Variants in ZNF696 observed in about 807,000 individuals in gnomAD.
The protein encoded by ZNF696 is zinc finger protein 696.
In ZNF696, 10 loss-of-function variants were observed where a neutral mutation model predicts 12.3. That is an observed-to-expected ratio of 0.81 (90% CI 0.50 to 1.38). The LOEUF (loss-of-function observed/expected upper bound fraction) is 1.38, where lower values mean the gene tolerates loss of function less well. Ranked by LOEUF, ZNF696 falls within the 40% of genes most tolerant of loss-of-function variation. The pLI, the probability that ZNF696 is intolerant of heterozygous loss-of-function variation, is 0.00. For synonymous variants in ZNF696, 304 were observed against 243.9 expected, an observed-to-expected ratio of 1.25 and a Z score of -2.29; for missense variants, 675 against 554.7, an observed-to-expected ratio of 1.22 and a Z score of -2.18.
rs1456800935 is a variant in ZNF696, at chr8:143,291,623, G to A, written c.-175G>A. On this transcript the variant is annotated 5_prime_UTR_variant, in exon 1 of 3. Transcript: ENST00000330143. ...GGCGGCCCTGCAGGTGCGTACCCGG[G>A]GTCCGACACGTGCGGGGCTTCCTGC... 4 of 985,362 alleles carry A rather than the reference G, an allele frequency of 4.1e-6. No homozygotes were observed. The highest frequency in any genetic ancestry group is 1.1e-4 in the East Asian group (1 of 8,814). 61.0% of individuals were successfully genotyped at this position (985,362 alleles called of 1,614,324 possible).
Position 143,296,527 on chromosome 8 carries a change from G to A in ZNF696, c.852G>A (p.Gln284=), listed in dbSNP as rs1361489888. The change falls in exon 3 of 3, where the codon CAG becomes CAA. Residue 284 remains glutamine, a synonymous_variant. Coordinates refer to ENST00000330143, the MANE Select transcript of ZNF696 (RefSeq NM_030895.3). ...FSQSSNLLQH[Q]RVHTGERPFA... ...AGAGCTCCAACCTCCTCCAGCACCA[G>A]CGCGTGCACACGGGGGAGCGGCCCT... 1 of 1,606,238 alleles carries A rather than the reference G, an allele frequency of 6.2e-7. No homozygotes were observed. Among genetic ancestry groups the A allele is most frequent in the Non-Finnish European group, 8.5e-7 (1 of 1,179,052 alleles).
intron 2 of ZNF696, among the ~76,000 whole-genome samples, chr8:143,294,593 C>A (rs1048858427): frequency 2.0e-5 from 3 of 152,034 alleles, no homozygotes; most frequent in Non-Finnish European, 2.9e-5. Context: ...ATCTTGATCT[C>A]TTGACCTCGT....
chr8:143,295,272 C>T (rs113629290), intron 2 of ZNF696: 60 of 450,678 alleles, frequency 1.3e-4, no homozygotes, highest in African/African-American at 1.1e-3. Context: ...GTTTCTGTCC[C>T]CTCCCCTCCC....
chr8:143,296,389 G>A lies in ZNF696; in HGVS notation c.714G>A (p.Ala238=). The A allele has an allele frequency of 6.3e-7, 1 of 1,594,364 alleles. No homozygotes were observed. Among genetic ancestry groups the A allele is most frequent in the African/African-American group, 1.3e-5 (1 of 74,590 alleles). ...CCCACACCGGGGAGAGGCTGTACGC[G>A]TGCGGCGAGTGCGGGAAGCGCTTCC... ...RRTHTGERLY[A]CGECGKRFLH... is the part of the protein sequence containing the mutation. Residue 238 remains alanine (A), a synonymous_variant, in exon 3 of 3, where the codon GCG becomes GCA. Coordinates refer to ENST00000330143, the MANE Select transcript of ZNF696 (RefSeq NM_030895.3).
At position 143,298,642 on chromosome 8, in the gene ZNF696, TCATA is replaced by T. The variant is rs1442962411; in HGVS notation, c.*1845_*1848del. Among the ~76,000 whole-genome samples, 1 of 152,168 alleles carries T rather than the reference TCATA, an allele frequency of 6.6e-6. No individual in the cohort carries two copies. Among genetic ancestry groups the T allele is most frequent in the Non-Finnish European group, 1.5e-5 (1 of 68,034 alleles). On this transcript the variant is annotated 3_prime_UTR_variant, in exon 3 of 3. Coordinates refer to ENST00000330143, the MANE Select transcript of ZNF696 (RefSeq NM_030895.3). ...AGAAACGCAGATCCTGAAACTGTCA[TCATA>T]CAGGTGAGAGGATAGTTATGTGTGA...
rs974798096 is a variant in ZNF696 at position 143,298,622 on chromosome 8, C to T, written c.*1822C>T. On this transcript the variant is annotated 3_prime_UTR_variant, in exon 3 of 3. Transcript: ENST00000330143. The stretch of plus-strand genomic sequence containing the variant: ...GCAGCCGCTGTCAGCCACAAAGAAA[C>T]GCAGATCCTGAAACTGTCATCATAC... Among the ~76,000 whole-genome samples, 1 of 152,184 alleles carries T rather than the reference C, an allele frequency of 6.6e-6. No individual in the cohort carries two copies. Among genetic ancestry groups the T allele is most frequent in the East Asian group, 1.9e-4 (1 of 5,204 alleles).
At chr8:143,292,911 C>A in intron 1 of ZNF696, 61 bp from the exon 2 acceptor site, 1 of 1,452,034 alleles carries the variant, frequency 6.9e-7, no homozygotes, top group Non-Finnish European at 9.4e-7. Context: ...GACCTCACTG[C>A]CCCTGGCCCC....
In ZNF696 at chr8:143,297,668, G is replaced by GA. The variant is rs1815744135; in HGVS notation, c.*870dup. 1 of 152,212 alleles carries GA rather than the reference G, an allele frequency of 6.6e-6. No homozygotes were observed. The highest frequency in any genetic ancestry group is 6.5e-5 in the Admixed American group (1 of 15,272). 9.4% of individuals were successfully genotyped at this position (152,212 alleles called of 1,614,324 possible). A position where few individuals can be genotyped will look rare whatever the true frequency, so the allele number is the denominator to read the frequency against. ...TCTCAAAAAAAAAATTGGAACCTGA[G>GA]AAGGGGGTCGTGGGGTCCCCGGGGC... On this transcript the variant is annotated 3_prime_UTR_variant, in exon 3 of 3. Transcript: ENST00000330143.
rs779992120 is a variant in ZNF696 at position 143,296,515 on chromosome 8, C to A, written c.840C>A (p.Leu280=). 3.0e-5 allele frequency: 48 copies of A among 1,607,686 alleles called. No homozygotes were observed. The African/African-American group carries it at 6.4e-4, about 21-fold the overall frequency. The change falls in exon 3 of 3, where the codon CTC becomes CTA. Residue 280 remains leucine, a synonymous_variant. Coordinates refer to ENST00000330143, the MANE Select transcript of ZNF696 (RefSeq NM_030895.3). ...AGGCCTTCAGCCAGAGCTCCAACCT[C>A]CTCCAGCACCAGCGCGTGCACACGG... ...CGQAFSQSSN[L]LQHQRVHTGE...
chr8:143,291,722 T>G lies in ZNF696; in HGVS notation c.-76T>G. The G allele has an allele frequency of 1.0e-6, 1 of 985,500 alleles. No individual in the cohort carries two copies. The highest frequency in any genetic ancestry group is 1.2e-6 in the Non-Finnish European group (1 of 829,946). The allele number at this position is 985,500 out of a possible 1,614,324, so 61.0% of individuals were successfully genotyped here. A position where few individuals can be genotyped will look rare whatever the true frequency, so the allele number is the denominator to read the frequency against. Reference sequence around the variant, plus strand: ...TTCCCACCGGCCCAGCTCATCGAGCTTCTTCCCAGCTGTGAACAGGAGGGC... The same window carrying G: ...TTCCCACCGGCCCAGCTCATCGAGCGTCTTCCCAGCTGTGAACAGGAGGGC... On this transcript the variant is annotated 5_prime_UTR_variant, in exon 1 of 3. Coordinates refer to ENST00000330143, the MANE Select transcript of ZNF696 (RefSeq NM_030895.3).
chr8:143,294,441 A>G lies in ZNF696; in HGVS notation c.65-1299A>G, dbSNP rs574354426. On this transcript the variant is annotated intron_variant, in intron 2 of 2. Transcript: ENST00000330143. ...TTGCTCTGTCGCCAGGCTGGAGTGCAGTGGCGCCAGCTCACTGCAATCTCC... is the reference window on the plus strand; with the variant it reads ...TTGCTCTGTCGCCAGGCTGGAGTGCGGTGGCGCCAGCTCACTGCAATCTCC... 1.4e-4 allele frequency among the ~76,000 whole-genome samples: 21 copies of G among 150,540 alleles called. No homozygotes were observed. In the East Asian group the frequency reaches 4.1e-3, roughly 30 times the overall value.
rs1480035348 is a variant in ZNF696, at chr8:143,296,050, C to T, written c.375C>T (p.Phe125=). 6.3e-7 allele frequency: 1 copy of T among 1,592,998 alleles called. No homozygotes were observed. Among genetic ancestry groups the T allele is most frequent in the African/African-American group, 1.3e-5 (1 of 74,426 alleles). Residue 125 remains phenylalanine, a synonymous_variant, in exon 3 of 3, where the codon TTC becomes TTT. Coordinates refer to ENST00000330143, the MANE Select transcript of ZNF696 (RefSeq NM_030895.3). ...EGGGSWKGRP[F]PCGACGRSFK... is the part of the protein sequence containing the mutation. The stretch of plus-strand genomic sequence containing the variant: ...GGGGCAGCTGGAAGGGGCGGCCTTT[C>T]CCGTGCGGCGCCTGTGGCCGCAGCT...
rs759505200 is a variant in ZNF696, at chr8:143,296,666, C to T, written c.991C>T (p.Arg331Trp). The change falls in exon 3 of 3, where the codon CGG (arginine) becomes TGG (tryptophan). Residue 331 changes from arginine (R) to tryptophan (W), a missense_variant. Physicochemically the swap from Arg to Trp is moderately radical, Grantham distance 101. Coordinates refer to ENST00000330143, the MANE Select transcript of ZNF696 (RefSeq NM_030895.3). ...GTGCGGCCACTGCGGGCGCGCGTTC[C>T]GGGCGCTGTCGGGCTTCTTCCGGCA... is the stretch of plus-strand genomic sequence containing the variant. ...HQCGHCGRAF[R>W]ALSGFFRHQR... 2 of 1,568,696 alleles carry T rather than the reference C, an allele frequency of 1.3e-6. No homozygotes were observed. Among genetic ancestry groups the T allele is most frequent in the African/African-American group, 2.7e-5 (2 of 73,058 alleles).
At position 143,291,526 on chromosome 8, in the gene ZNF696, C is replaced by G; in HGVS notation, c.-272C>G. ...GCCGAGAGAACGGGGCGGTCACCGC[C>G]GCCGTGGCCCGCGCGTCCCGCGCTC... On this transcript the variant is annotated 5_prime_UTR_variant, in exon 1 of 3. Transcript: ENST00000330143. 1.0e-6 allele frequency: 1 copy of G among 984,462 alleles called. No homozygotes were observed. Among genetic ancestry groups the G allele is most frequent in the Non-Finnish European group, 1.2e-6 (1 of 829,070 alleles). The allele number at this position is 984,462 out of a possible 1,614,324, so 61.0% of individuals were successfully genotyped here.
intron 2 of ZNF696, among the ~76,000 whole-genome samples, chr8:143,294,958 G>A (rs1815683194): frequency 6.6e-6 from 1 of 152,134 alleles, no homozygotes; most frequent in South Asian, 2.1e-4. Flanking sequence ...GTGTGGTGGT[G>A]CTCACCTGGA....
In ZNF696 at chr8:143,296,410, C is replaced by T. The variant is rs574682133; in HGVS notation, c.735C>T (p.Arg245=). Reference sequence around the variant, plus strand: ...ACGCGTGCGGCGAGTGCGGGAAGCGCTTCCTGCACAGCTCGAACGTGGTCC... The same window carrying T: ...ACGCGTGCGGCGAGTGCGGGAAGCGTTTCCTGCACAGCTCGAACGTGGTCC... ...RLYACGECGK[R]FLHSSNVVRH... Residue 245 remains arginine (R), a synonymous_variant, in exon 3 of 3, where the codon CGC becomes CGT. Coordinates refer to ENST00000330143, the MANE Select transcript of ZNF696 (RefSeq NM_030895.3). 21 of 1,599,968 alleles carry T rather than the reference C, an allele frequency of 1.3e-5. No individual in the cohort carries two copies. In the African/African-American group the frequency reaches 2.4e-4, roughly 19 times the overall value.
At chr8:143,293,300 G>A (rs1815655679) in intron 2 of ZNF696, 4 of 579,242 alleles carry the variant, frequency 6.9e-6, no homozygotes, top group Non-Finnish European at 1.2e-5. Flanking sequence ...CCCAGGCTCT[G>A]CCTCTGGGAA....
chr8:143,292,389 C>A (rs2129728824), intron 1 of ZNF696: 2 of 150,518 alleles, frequency 1.3e-5, no homozygotes, highest in African/African-American at 4.9e-5. Flanking sequence ...ATATAGAGGT[C>A]TTTATCAGAT....
chr8:143,299,151 C>T lies in ZNF696; in HGVS notation c.*2351C>T, dbSNP rs1309960111. On this transcript the variant is annotated 3_prime_UTR_variant, in exon 3 of 3. Transcript: ENST00000330143. ...TCCAGCCTGGGCAAAAAGAGCAAAA[C>T]TCCATCTTAAAAAAATAAATAAATA... Among the ~76,000 whole-genome samples the T allele has an allele frequency of 1.3e-5, 2 of 152,050 alleles. No homozygotes were observed. The highest frequency in any genetic ancestry group is 4.8e-5 in the African/African-American group (2 of 41,388).
Sources: allele counts gnomAD v4.1 joint callset (sites outside exome capture counted in the v4.1 genomes callset), GRCh38; gene constraint gnomAD v4.1.1; transcripts MANE v1.5; gene names NCBI Gene and HGNC (gene_info 2026-07-23, HGNC 2026-07-21).